The following PRKCE variants were observed in gnomAD, a reference collection of about 807,000 sequenced individuals.
The protein encoded by PRKCE is protein kinase C epsilon type.
In PRKCE, 16 loss-of-function variants were observed where a neutral mutation model predicts 85.4. The ratio of observed to expected loss-of-function variants is 0.19; its 90% confidence interval spans 0.13 to 0.28. The LOEUF (loss-of-function observed/expected upper bound fraction) is 0.28. PRKCE is among the 10% of genes least tolerant of loss of function. PRKCE has a pLI of 1.00. For synonymous variants in PRKCE, 388 were observed against 371.5 expected, an observed-to-expected ratio of 1.04 and a Z score of -0.51; for missense variants, 573 against 975.2, an observed-to-expected ratio of 0.59 and a Z score of 5.49.
chr2:46,156,500 A>C (rs1347427368), intron 13 of PRKCE, among the ~76,000 whole-genome samples: 2 of 152,222 alleles, frequency 1.3e-5, no homozygotes, highest in East Asian at 1.9e-4. Context: ...TTGGTACAGA[A>C]TGGAGACTCA....
chr2:45,993,424 A>AT (rs894601349), intron 6 of PRKCE, among the ~76,000 whole-genome samples: 6 of 152,194 alleles, frequency 3.9e-5, no homozygotes, highest in South Asian at 2.1e-4. Flanking sequence ...TGTGATTGAG[A>AT]TTTTTTTTAC....
chr2:45,733,506 C>A (rs1304902393), intron 1 of PRKCE, among the ~76,000 whole-genome samples: 1 of 152,148 alleles, frequency 6.6e-6, no homozygotes, highest in Non-Finnish European at 1.5e-5. Flanking sequence ...GAAAAAGAGA[C>A]ATTACTAAGC....
chr2:45,848,181 C>G (rs989570580), intron 2 of PRKCE, among the ~76,000 whole-genome samples: 10 of 152,200 alleles, frequency 6.6e-5, no homozygotes, highest in African/African-American at 2.4e-4. Flanking sequence ...GATTCAAGCC[C>G]CACTGGAGCT....
intron 2 of PRKCE, among the ~76,000 whole-genome samples, chr2:45,882,710 G>A (rs1027635213): frequency 2.0e-5 from 3 of 152,326 alleles, no homozygotes; most frequent in East Asian, 1.9e-4. Context: ...AGAGAAAGAC[G>A]GAGAAGACAG....
chr2:46,108,819 T>C (rs1037239894), intron 11 of PRKCE, among the ~76,000 whole-genome samples: 4 of 152,156 alleles, frequency 2.6e-5, no homozygotes, highest in Admixed American at 2.6e-4. Context: ...TGTAGAAGTT[T>C]TGTAGTTTAG....
chr2:45,819,714 C>A (rs1689368933), intron 1 of PRKCE, among the ~76,000 whole-genome samples: 1 of 152,150 alleles, frequency 6.6e-6, no homozygotes, highest in South Asian at 2.1e-4. Flanking sequence ...TGAAACTGTT[C>A]AACTCAAAGC....
chr2:46,153,293 T>C (rs1186603530), intron 13 of PRKCE, among the ~76,000 whole-genome samples: 1 of 152,234 alleles, frequency 6.6e-6, no homozygotes, highest in Admixed American at 6.5e-5. Context: ...CAAATATTTA[T>C]TGAGCATCTA....
At chr2:45,740,653 C>A (rs1477383212) in intron 1 of PRKCE, among the ~76,000 whole-genome samples, 1 of 152,214 alleles carries the variant, frequency 6.6e-6, no homozygotes, top group Non-Finnish European at 1.5e-5. Flanking sequence ...ATTCCCCATT[C>A]TCTCAAACTC....
chr2:45,905,259 C>A lies in PRKCE; in HGVS notation c.412+62196C>A, dbSNP rs1464003686. Among the ~76,000 whole-genome samples, 1 of 152,202 alleles carries A rather than the reference C, an allele frequency of 6.6e-6. No homozygotes were observed. The highest frequency in any genetic ancestry group is 2.4e-5 in the African/African-American group (1 of 41,446). On this transcript the variant is annotated intron_variant, in intron 2 of 14. Transcript: ENST00000306156. This position sits in a 1 kb window ranked among gnomAD's most constrained non-coding sequence, Gnocchi z 4.4. The stretch of plus-strand genomic sequence containing the variant: ...GGCTCTCCAACATAGCCCACGCTAA[C>A]CCAGTTTTGGAATCTGGTAGTGGGA...
At chr2:45,804,641 T>A (rs1688110701) in intron 1 of PRKCE, among the ~76,000 whole-genome samples, 1 of 152,174 alleles carries the variant, frequency 6.6e-6, no homozygotes, top group African/African-American at 2.4e-5. Context: ...AGAGGCTGAC[T>A]TCATGGGGAA....
rs1422323919 is a variant in PRKCE, at chr2:46,187,580, T to C, written c.*2699T>C. The C allele has an allele frequency of 6.7e-6, 1 of 150,214 alleles. No homozygotes were observed. The highest frequency in any genetic ancestry group is 6.7e-5 in the Admixed American group (1 of 15,032). 9.3% of individuals were successfully genotyped at this position (150,214 alleles called of 1,614,324 possible). A position where few individuals can be genotyped will look rare whatever the true frequency, so the allele number is the denominator to read the frequency against. On this transcript the variant is annotated 3_prime_UTR_variant, in exon 15 of 15. Transcript: ENST00000306156. The stretch of plus-strand genomic sequence containing the variant: ...CTCTCTCTCTCAAAGAAAAAAAAAA[T>C]GGGAGTGCAAAAAAAACAAAGCCAA...
At chr2:45,838,931 G>T (rs1691121001) in intron 1 of PRKCE, among the ~76,000 whole-genome samples, 1 of 152,218 alleles carries the variant, frequency 6.6e-6, no homozygotes, top group African/African-American at 2.4e-5. Context: ...CATGATAACT[G>T]CACCAATGAT....
chr2:45,939,754 C>G (rs1699745250), intron 2 of PRKCE, among the ~76,000 whole-genome samples: 1 of 152,152 alleles, frequency 6.6e-6, no homozygotes, highest in African/African-American at 2.4e-5. Context: ...GAGGTTTTAT[C>G]ATGTTGACCA....
At chr2:45,670,008 C>G (rs867194711) in intron 1 of PRKCE, among the ~76,000 whole-genome samples, 9 of 152,138 alleles carry the variant, frequency 5.9e-5, no homozygotes, top group Admixed American at 2.6e-4. Context: ...GAGACTCAGT[C>G]TCAAAATAAA....
intron 11 of PRKCE, among the ~76,000 whole-genome samples, chr2:46,089,271 A>G (rs1210248280): frequency 9.2e-5 from 14 of 152,094 alleles, no homozygotes; most frequent in Non-Finnish European, 1.5e-5. Flanking sequence ...CTCTTCACAT[A>G]TGTATATCCA....
At chr2:45,977,839 G>C (rs1702580749) in intron 3 of PRKCE, among the ~76,000 whole-genome samples, 1 of 152,192 alleles carries the variant, frequency 6.6e-6, no homozygotes. Flanking sequence ...CATCCCACCA[G>C]CCTTTCTAGC....
intron 2 of PRKCE, among the ~76,000 whole-genome samples, chr2:45,852,389 T>C (rs540734169): frequency 6.6e-6 from 1 of 152,366 alleles, no homozygotes; most frequent in African/African-American, 2.4e-5. Context: ...CCATCTGTTA[T>C]TGGGTTCTGC....
chr2:45,958,818 T>TATATATATATATATATA (rs1558885886), intron 2 of PRKCE, among the ~76,000 whole-genome samples: 3 of 7,610 alleles, frequency 3.9e-4, no homozygotes, highest in Non-Finnish European at 6.8e-4. Context: ...ATATATATAT[T>TATATATATATATATATA]TTTTTTTTTT....
intron 5 of PRKCE, 69 bp from the exon 6 acceptor site, chr2:45,984,482 G>C: frequency 1.3e-6 from 2 of 1,562,452 alleles, no homozygotes; most frequent in East Asian, 2.3e-5. Context: ...TTCTTTGAGA[G>C]TTCCGTTGAC....
Sources: allele counts gnomAD v4.1 joint callset (sites outside exome capture counted in the v4.1 genomes callset), GRCh38; gene constraint gnomAD v4.1.1; non-coding constraint Gnocchi (gnomAD v3.1); transcripts MANE v1.5; gene names NCBI Gene and HGNC (gene_info 2026-07-23, HGNC 2026-07-21).